The following CYP2R1 variants were observed in gnomAD, a reference collection of about 807,000 sequenced individuals.
The protein encoded by CYP2R1 is cytochrome P450 family 2 subfamily R member 1, also known as vitamin D 25-hydroxylase.
A neutral mutation model predicts 45.7 loss-of-function variants in CYP2R1; 40 were observed. The ratio of observed to expected loss-of-function variants is 0.87; its 90% CI spans 0.68 to 1.14. The LOEUF is 1.14. Among genes scored for constraint, CYP2R1 ranks in the 50% most tolerant of loss-of-function variants. The probability of loss-of-function intolerance (pLI) is 0.00; values close to 1 mark genes in which losing one functional copy is unlikely to be tolerated. For synonymous variants in CYP2R1, 234 were observed against 219.3 expected, an observed-to-expected ratio of 1.07 and a Z score of -0.59; for missense variants, 605 against 602.6, an observed-to-expected ratio of 1.00 and a Z score of -0.04.
chr11:14,889,971 T>C (rs1848768234), intron 1 of CYP2R1, among the ~76,000 whole-genome samples: 1 of 151,438 alleles, frequency 6.6e-6, no homozygotes, highest in South Asian at 2.1e-4. Flanking sequence ...TACTAAAAAT[T>C]ACAAAAAATT....
rs1848218327 is a variant in CYP2R1, at chr11:14,878,002, G to T, written c.*120C>A. The T allele has an allele frequency of 1.0e-6, 1 of 996,444 alleles. No homozygotes were observed. Among genetic ancestry groups the T allele is most frequent in the African/African-American group, 1.6e-5 (1 of 62,074 alleles). The allele number at this position is 996,444 out of a possible 1,614,324, so 61.7% of individuals were successfully genotyped here. On this transcript the variant is annotated 3_prime_UTR_variant, in exon 5 of 5. Transcript: ENST00000334636. ...TCTAGTACTATTTTAAGACACATCT[G>T]TGTTCATTTGGCTTTTTGATGCTGT...
chr11:14,885,330 A>G (rs1193582732), intron 2 of CYP2R1, among the ~76,000 whole-genome samples: 2 of 152,174 alleles, frequency 1.3e-5, no homozygotes, highest in Non-Finnish European at 2.9e-5. Context: ...AGTCCTTTAC[A>G]CAAACCATGC....
At chr11:14,887,915 A>C (rs7935792) in intron 1 of CYP2R1, among the ~76,000 whole-genome samples, 15,470 of 152,184 alleles carry the variant, frequency 0.1, 1,021 homozygotes, top group African/African-American at 0.18. Flanking sequence ...TTATAACAAC[A>C]ACCTCCTAAC....
rs538573418 is a variant in CYP2R1, at chr11:14,879,559, A to G, written c.1001-116T>C. On this transcript the variant is annotated intron_variant, in intron 3 of 4. Coordinates refer to ENST00000334636, the MANE Select transcript of CYP2R1 (RefSeq NM_024514.5). ...TAACAAGCCAATAGGATATAGATAC[A>G]TCCAGATTCAGATTTTTTATTATCT... The G allele has an allele frequency of 4.5e-5, 32 of 703,654 alleles. No individual in the cohort carries two copies. In the Admixed American group the frequency reaches 4.8e-4, roughly 11 times the overall value. The allele number at this position is 703,654 out of a possible 1,614,324, so 43.6% of individuals were successfully genotyped here. A position where few individuals can be genotyped will look rare whatever the true frequency, so the allele number is the denominator to read the frequency against.
rs782013800 is a variant in CYP2R1 at position 14,878,254 on chromosome 11, C to A, written c.1374G>T (p.Met458Ile). The change falls in exon 5 of 5, where the codon ATG (methionine) becomes ATT (isoleucine). Residue 458 changes from methionine (M) to isoleucine (I), a missense_variant. By Grantham distance (10) the Met-to-Ile change is conservative (BLOSUM62 1). Transcript: ENST00000334636. ...CLGEHLARME[M>I]FLFFTALLQR... Reference sequence around the variant, plus strand: ...GAAGCAATGCTGTAAAAAACAAGAACATTTCCATCCGAGCCAAGTGTTCTC... The same window carrying A: ...GAAGCAATGCTGTAAAAAACAAGAAAATTTCCATCCGAGCCAAGTGTTCTC... 2 of 1,613,000 alleles carry A rather than the reference C, an allele frequency of 1.2e-6. No homozygotes were observed. The highest frequency in any genetic ancestry group is 2.2e-5 in the South Asian group (2 of 91,038).
intron 3 of CYP2R1, 137 bp downstream of exon 3, chr11:14,879,999 A>G: frequency 1.2e-6 from 1 of 826,364 alleles, no homozygotes; most frequent in Non-Finnish European, 1.8e-6. Context: ...TCTTTTTTGT[A>G]ACTATTAAAT....
In CYP2R1 at chr11:14,885,847, A is replaced by G. The variant is rs61495246; in HGVS notation, c.296T>C (p.Leu99Pro). 1.9e-4 allele frequency: 311 copies of G among 1,613,700 alleles called. No individual in the cohort carries two copies. In the African/African-American group the frequency reaches 3.8e-3, roughly 20 times the overall value. ...LNGYDVVKEC[L>P]VHQSEIFADR... is the part of the protein sequence containing the mutation. ...TGCAAAAATTTCGCTTTGATGAACA[A>G]GGCATTCCTTTACTACATCATAGCC... Residue 99 changes from leucine (L) to proline (P), a missense_variant, in exon 2 of 5, where the codon CTT (leucine) becomes CCT (proline). Leu to Pro is a moderately conservative substitution (Grantham distance 98). Transcript: ENST00000334636.
chr11:14,882,098 A>T (rs367870464), intron 2 of CYP2R1, among the ~76,000 whole-genome samples: 1 of 152,032 alleles, frequency 6.6e-6, no homozygotes, highest in East Asian at 1.9e-4. Flanking sequence ...TCTTTTTTCT[A>T]TACTCCCAGA....
intron 2 of CYP2R1, among the ~76,000 whole-genome samples, chr11:14,881,479 T>G (rs1159156280): frequency 1.3e-5 from 2 of 152,144 alleles, no homozygotes; most frequent in African/African-American, 4.8e-5. Context: ...TAACATGTAC[T>G]TTACTCAAAA....
At chr11:14,884,341 C>T (rs1273264721) in intron 2 of CYP2R1, among the ~76,000 whole-genome samples, 5 of 151,938 alleles carry the variant, frequency 3.3e-5, no homozygotes, top group Non-Finnish European at 5.9e-5. Flanking sequence ...CCATGGAATA[C>T]TATGCAGCCA....
chr11:14,885,748 A>G (rs1555014196), intron 2 of CYP2R1, 28 bp downstream of exon 2: 7 of 1,608,046 alleles, frequency 4.4e-6, no homozygotes, highest in African/African-American at 1.3e-5. Flanking sequence ...ATCTTAGTAA[A>G]TCACTAAATA....
In CYP2R1 at chr11:14,880,509, G is replaced by A. The variant is rs1328543756; in HGVS notation, c.627C>T (p.His209=). The change falls in exon 3 of 5, where the codon CAC becomes CAT. Residue 209 remains histidine, a synonymous_variant. Coordinates refer to ENST00000334636, the MANE Select transcript of CYP2R1 (RefSeq NM_024514.5). ...RFTYEDTDFQ[H]MIELFSENVE... ...CATTTTCACTAAATAACTCAATCAT[G>A]TGCTGAAAATCGGTGTCTTCATAAG... is the stretch of plus-strand genomic sequence containing the variant. 3 of 1,613,384 alleles carry A rather than the reference G, an allele frequency of 1.9e-6. No homozygotes were observed. Among genetic ancestry groups the A allele is most frequent in the Admixed American group, 1.7e-5 (1 of 59,858 alleles).
rs1477345699 is a variant in CYP2R1, at chr11:14,890,781, T to C, written c.225+1200A>G. ...GCCACGACGGTCTCGATCTCCTGAT[T>C]TCGTGATCCGCCCGCCTCGGCCTCC... On this transcript the variant is annotated intron_variant, in intron 1 of 4. Transcript: ENST00000334636. 7 of 760,954 alleles carry C rather than the reference T, an allele frequency of 9.2e-6. No homozygotes were observed. In the South Asian group the frequency reaches 3.0e-4, roughly 32 times the overall value. The allele number at this position is 760,954 out of a possible 1,614,324, so 47.1% of individuals were successfully genotyped here. A position where few individuals can be genotyped will look rare whatever the true frequency, so the allele number is the denominator to read the frequency against.
At chr11:14,879,701 GGGCGTTCTATTGAAATATATGCTATATAT>G (rs1848301268) in intron 3 of CYP2R1, among the ~76,000 whole-genome samples, 3 of 152,050 alleles carry the variant, frequency 2.0e-5, no homozygotes, top group Non-Finnish European at 4.4e-5. Flanking sequence ...TTTATTATCT[GGGCGTTCTATTGAAATATATGCTATATAT>G]CTTGTTCTAA....
intron 1 of CYP2R1, chr11:14,891,718 C>T: frequency 4.0e-6 from 5 of 1,265,326 alleles, no homozygotes; most frequent in Non-Finnish European, 5.0e-6. Context: ...CGAGCGGTAG[C>T]GGGAAAATCA....
Position 14,883,790 on chromosome 11 carries a change from C to A in CYP2R1, c.367+1986G>T, listed in dbSNP as rs782148591. Among the ~76,000 whole-genome samples the A allele has an allele frequency of 5.3e-3, 803 of 152,236 alleles. 7 individuals are homozygous for A. The highest frequency in any genetic ancestry group is 0.015 in the South Asian group (70 of 4,820). Reference sequence around the variant, plus strand: ...AAATTTTTGCAACCTACTCATCTGACAAAGGGCTAATATCCAGAGTCTACA... The same window carrying A: ...AAATTTTTGCAACCTACTCATCTGAAAAAGGGCTAATATCCAGAGTCTACA... On this transcript the variant is annotated intron_variant, in intron 2 of 4. Transcript: ENST00000334636.
intron 1 of CYP2R1, among the ~76,000 whole-genome samples, chr11:14,889,262 T>C (rs1313695995): frequency 6.6e-6 from 1 of 152,138 alleles, no homozygotes; most frequent in Admixed American, 6.5e-5. Flanking sequence ...CCAGAACTTT[T>C]TGGAAGCACA....
At chr11:14,885,736 A>G (rs1555014188) in intron 2 of CYP2R1, 40 bp downstream of exon 2, 5 of 1,598,044 alleles carry the variant, frequency 3.1e-6, no homozygotes, top group Non-Finnish European at 3.4e-6. Flanking sequence ...GTGATTTAAA[A>G]TATCTTAGTA....
Position 14,880,762 on chromosome 11 carries a change from A to C in CYP2R1, c.374T>G (p.Leu125Arg). 1 of 1,606,754 alleles carries C rather than the reference A, an allele frequency of 6.2e-7. No homozygotes were observed. The change falls in exon 3 of 5, where the codon CTC (leucine) becomes CGC (arginine). Residue 125 changes from leucine (L) to arginine (R), a missense_variant. Transcript: ENST00000334636. ...FMKMTKMGGL[L>R]NSRYGRGWVD... ...CCATCCTCGGCCATATCTGGAATTG[A>C]GTAAGCCTGAAAAAAAATATTAAAA...
Sources: gnomAD v4.1 joint callset for allele counts (sites outside exome capture counted in the v4.1 genomes callset) on GRCh38, gnomAD v4.1.1 for gene constraint, MANE v1.5 for transcripts, NCBI Gene and HGNC (gene_info 2026-07-23, HGNC 2026-07-21) for gene names.